Variants in MAP3K13 observed in about 807,000 individuals in gnomAD.
The protein encoded by MAP3K13 is leucine zipper-bearing kinase.
Under a neutral mutation model 104.0 loss-of-function variants are expected in MAP3K13, and 52 were observed. The ratio of observed to expected loss-of-function variants is 0.50; its 90% CI spans 0.40 to 0.63. The LOEUF (loss-of-function observed/expected upper bound fraction) is 0.63. MAP3K13 is among the 20% of genes least tolerant of loss of function. The pLI is 0.00. For synonymous variants in MAP3K13, 394 were observed against 442.2 expected, an observed-to-expected ratio of 0.89 and a Z score of 1.37; for missense variants, 914 against 1,218.5, an observed-to-expected ratio of 0.75 and a Z score of 3.72.
chr3:185,453,041 G>T (rs774312769), intron 7 of MAP3K13, among the ~76,000 whole-genome samples: 3 of 152,092 alleles, frequency 2.0e-5, no homozygotes, highest in African/African-American at 7.2e-5. Flanking sequence ...AAATTAAAAG[G>T]GTGCAAATGT....
intron 1 of MAP3K13, among the ~76,000 whole-genome samples, chr3:185,392,762 A>G (rs1332947561): frequency 2.0e-5 from 3 of 152,136 alleles, no homozygotes; most frequent in Non-Finnish European, 4.4e-5. Context: ...AAAATAATCT[A>G]GGCTGACCGG....
At chr3:185,428,406 A>G in intron 1 of MAP3K13, 91 bp from the exon 2 acceptor site, 1 of 773,848 alleles carries the variant, frequency 1.3e-6, no homozygotes, top group Non-Finnish European at 1.9e-6. Flanking sequence ...ACCAATCCCC[A>G]TTGTTTCAGT....
intron 2 of MAP3K13, among the ~76,000 whole-genome samples, chr3:185,351,280 A>G (rs1577453176): frequency 6.6e-6 from 1 of 152,346 alleles, no homozygotes; most frequent in East Asian, 1.9e-4. Context: ...AATAATCTGT[A>G]CACTGAACCC....
At position 185,465,782 on chromosome 3, in the gene MAP3K13, A is replaced by C; in HGVS notation, c.1424A>C (p.Lys475Thr). Residue 475 changes from lysine to threonine, a missense_variant, in exon 9 of 14, where the codon AAG (lysine) becomes ACG (threonine). This residue lies in a region of MAP3K13 where 583 missense variants were observed against 737.4 expected (regional missense o/e 0.79). Coordinates refer to ENST00000265026, the MANE Select transcript of MAP3K13 (RefSeq NM_004721.5). The part of the protein sequence containing the change: ...ALDIREHYER[K>T]LERANNLYME... ...GATATTCGTGAACACTATGAGCGGA[A>C]GCTTGAGCGGGCGAATAATTTATAC... 6.2e-7 allele frequency: 1 copy of C among 1,614,116 alleles called. No individual in the cohort carries two copies. Among genetic ancestry groups the C allele is most frequent in the Non-Finnish European group, 8.5e-7 (1 of 1,179,956 alleles).
At chr3:185,399,371 G>A (rs576246282) in intron 1 of MAP3K13, among the ~76,000 whole-genome samples, 2 of 151,938 alleles carry the variant, frequency 1.3e-5, no homozygotes, top group African/African-American at 4.8e-5. Flanking sequence ...TTGGGAGGCC[G>A]AGGCCCGCGG....
Position 185,451,445 on chromosome 3 carries a change from T to C in MAP3K13, c.1278+50T>C, listed in dbSNP as rs1271572132. On this transcript the variant is annotated intron_variant, in intron 7 of 13. Coordinates refer to ENST00000265026, the MANE Select transcript of MAP3K13 (RefSeq NM_004721.5). ...GTGCTACTAAACAGATAGAGAACTCTCAATGAAACAGAGTAACTCTTAGAA... is the reference window on the plus strand; with the variant it reads ...GTGCTACTAAACAGATAGAGAACTCCCAATGAAACAGAGTAACTCTTAGAA... The C allele has an allele frequency of 2.5e-6, 3 of 1,219,008 alleles. No individual in the cohort carries two copies. In the Admixed American group the frequency reaches 5.1e-5, roughly 21 times the overall value. 75.5% of individuals were successfully genotyped at this position (1,219,008 alleles called of 1,614,324 possible).
rs573757858 is a variant in MAP3K13 at position 185,426,355 on chromosome 3, C to T, written c.-85-2142C>T. Among the ~76,000 whole-genome samples the T allele has an allele frequency of 2.6e-5, 4 of 152,342 alleles. No individual in the cohort carries two copies. In the South Asian group the frequency reaches 8.3e-4, roughly 32 times the overall value. The stretch of plus-strand genomic sequence containing the variant: ...TTGGCCTCCGAAAGTTTTGGGATTA[C>T]AGGCGTGAGCTACCACGCCAGCCAA... On this transcript the variant is annotated intron_variant, in intron 1 of 13. Transcript: ENST00000265026.
At chr3:185,312,326 A>G (rs184654193) in intron 2 of MAP3K13, among the ~76,000 whole-genome samples, 1 of 152,342 alleles carries the variant, frequency 6.6e-6, no homozygotes, top group African/African-American at 2.4e-5. Flanking sequence ...TATCAGTTCC[A>G]ATTTTGTTTC....
intron 2 of MAP3K13, among the ~76,000 whole-genome samples, chr3:185,291,188 G>A (rs1720723119): frequency 6.6e-6 from 1 of 152,046 alleles, no homozygotes; most frequent in African/African-American, 2.4e-5. Context: ...ACCCCACAAA[G>A]TGAACATCAT....
chr3:185,462,173 C>T (rs559284471), intron 7 of MAP3K13, among the ~76,000 whole-genome samples: 1 of 152,260 alleles, frequency 6.6e-6, no homozygotes, highest in East Asian at 1.9e-4. Flanking sequence ...ATAGTCTATA[C>T]ATAATATGAG....
At chr3:185,412,208 ATATT>A (rs1192655768) in intron 1 of MAP3K13, among the ~76,000 whole-genome samples, 3 of 152,172 alleles carry the variant, frequency 2.0e-5, no homozygotes, top group African/African-American at 7.2e-5. Flanking sequence ...ACTGTCTTAT[ATATT>A]TATCATTTGT....
intron 7 of MAP3K13, among the ~76,000 whole-genome samples, chr3:185,455,846 A>C (rs1248915780): frequency 2.0e-5 from 2 of 100,204 alleles, no homozygotes; most frequent in Non-Finnish European, 2.1e-5. Flanking sequence ...TATATATGAG[A>C]TATATATGAG....
At position 185,482,811 on chromosome 3, in the gene MAP3K13, C is replaced by CAA. The variant is rs3834186; in HGVS notation, c.*365_*366dup. ...GAGATAGAGAGACAATAATTTCTTG[C>CAA]AAAAAAAAAAAGAGATAAAAGAAAG... is the stretch of plus-strand genomic sequence containing the variant. On this transcript the variant is annotated 3_prime_UTR_variant, in exon 14 of 14. Coordinates refer to ENST00000265026, the MANE Select transcript of MAP3K13 (RefSeq NM_004721.5). The surrounding 1 kb of genome is among the most constrained non-coding windows in gnomAD (Gnocchi z 4.5). 978 of 197,264 alleles carry CAA rather than the reference C, an allele frequency of 5.0e-3. 10 individuals carry two copies. The highest frequency in any genetic ancestry group is 0.022 in the East Asian group (311 of 14,438). 12.2% of individuals were successfully genotyped at this position (197,264 alleles called of 1,614,324 possible).
chr3:185,360,195 A>G (rs1256362953), upstream of MAP3K13, among the ~76,000 whole-genome samples: 1 of 152,174 alleles, frequency 6.6e-6, no homozygotes, highest in African/African-American at 2.4e-5. Flanking sequence ...AAAATTACTT[A>G]TAATGATGGG....
At chr3:185,352,094 C>T (rs1723158657) in intron 2 of MAP3K13, among the ~76,000 whole-genome samples, 1 of 152,116 alleles carries the variant, frequency 6.6e-6, no homozygotes, top group South Asian at 2.1e-4. Context: ...ACGTGTACAG[C>T]CAGGAAAGTA....
chr3:185,297,692 G>T (rs1720962996), intron 2 of MAP3K13, among the ~76,000 whole-genome samples: 1 of 150,466 alleles, frequency 6.6e-6, no homozygotes, highest in Non-Finnish European at 1.5e-5. Context: ...CTGAGACCGT[G>T]CCACTGCACT....
At chr3:185,308,825 C>T (rs1721396581) in intron 2 of MAP3K13, among the ~76,000 whole-genome samples, 1 of 152,120 alleles carries the variant, frequency 6.6e-6, no homozygotes, top group Non-Finnish European at 1.5e-5. Context: ...TTGGGGAAGG[C>T]CTATTATGGG....
chr3:185,320,010 TC>T (rs1721801691), intron 2 of MAP3K13, among the ~76,000 whole-genome samples: 1 of 152,204 alleles, frequency 6.6e-6, no homozygotes, highest in South Asian at 2.1e-4. Flanking sequence ...GCTTTTTGTT[TC>T]TTAGCCTCAG....
At chr3:185,330,332 C>G (rs1431953491) in intron 2 of MAP3K13, among the ~76,000 whole-genome samples, 1 of 151,930 alleles carries the variant, frequency 6.6e-6, no homozygotes, top group East Asian at 1.9e-4. Context: ...CTTCTTGTTT[C>G]TGCTGTACTG....
Sources: gnomAD v4.1 joint callset for allele counts (sites outside exome capture counted in the v4.1 genomes callset) on GRCh38, gnomAD v4.1.1 for gene constraint, gnomAD v4.1.1 regional missense constraint, Gnocchi (gnomAD v3.1) non-coding constraint, MANE v1.5 for transcripts, NCBI Gene and HGNC (gene_info 2026-07-23, HGNC 2026-07-21) for gene names.